CSRNP1: variants seen among roughly 807,000 people sequenced by gnomAD.
CSRNP1 encodes cysteine and serine rich nuclear protein 1.
Under a neutral mutation model 25.0 loss-of-function variants are expected in CSRNP1, and 8 were observed. That is an observed-to-expected ratio of 0.32 (90% CI 0.19 to 0.58). CSRNP1 has a LOEUF of 0.58. CSRNP1 is among the 20% of genes least tolerant of loss of function. The pLI, the probability that CSRNP1 is intolerant of heterozygous loss-of-function variation, is 0.88. For synonymous variants in CSRNP1, 305 were observed against 303.1 expected (o/e 1.01, Z -0.06); for missense variants, 691 against 773.1 (o/e 0.89, Z 1.26).
intron 1 of CSRNP1, chr3:39,151,367 T>C (rs2039579375): frequency 6.5e-6 from 1 of 152,710 alleles, no homozygotes; most frequent in Admixed American, 6.5e-5. Flanking sequence ...TGGCCACAGT[T>C]ATCCACACGC....
rs202204996 is a variant in CSRNP1, at chr3:39,143,080, G to T, written c.1745C>A (p.Ser582Tyr). ...DSQFEDTVPA[S>Y]LMEPVPV ...TCACACCGGCACAGGCTCCATTAGA[G>T]ATGCTGGGACAGTGTCCTCAAACTG... is the stretch of plus-strand genomic sequence containing the variant. Residue 582 changes from serine to tyrosine, a missense_variant, in exon 5 of 5, where the codon TCT becomes TAT. Coordinates refer to ENST00000273153, the MANE Select transcript of CSRNP1 (RefSeq NM_033027.4). 2.0e-5 allele frequency: 32 copies of T among 1,595,428 alleles called. No homozygotes were observed. In the Admixed American group the frequency reaches 4.3e-4, roughly 21 times the overall value.
rs1397428933 is a variant in CSRNP1 at position 39,142,742 on chromosome 3, T to C, written c.*313A>G. 7.6e-6 allele frequency: 2 copies of C among 261,620 alleles called. No homozygotes were observed. The highest frequency in any genetic ancestry group is 1.5e-5 in the Non-Finnish European group (2 of 136,670). 16.2% of individuals were successfully genotyped at this position (261,620 alleles called of 1,614,324 possible). ...GGAACATCACGCAAAGACCGAAAAG[T>C]GGTCTGCCAAGCTCCAGAGGAGCCA... On this transcript the variant is annotated 3_prime_UTR_variant, in exon 5 of 5. Transcript: ENST00000273153.
chr3:39,153,039 A>G (rs2039606843), intron 1 of CSRNP1: 1 of 151,796 alleles, frequency 6.6e-6, no homozygotes, highest in Non-Finnish European at 1.5e-5. Flanking sequence ...AAGGCGACAA[A>G]TGTCACCTGC....
At chr3:39,153,645 G>C (rs2039616905), upstream of CSRNP1, 1 of 151,720 alleles carries the variant, frequency 6.6e-6, no homozygotes, top group Non-Finnish European at 1.5e-5. Context: ...GGAAAACTCC[G>C]GGGCTCACTG....
intron 1 of CSRNP1, among the ~76,000 whole-genome samples, chr3:39,147,373 C>T (rs2125887260): frequency 6.6e-6 from 1 of 152,304 alleles, no homozygotes; most frequent in South Asian, 2.1e-4. Flanking sequence ...CGGGCCCTTG[C>T]TCCAGGCTAG....
intron 3 of CSRNP1, 93 bp downstream of exon 3, chr3:39,144,904 C>G: frequency 7.1e-7 from 1 of 1,409,994 alleles, no homozygotes; most frequent in Non-Finnish European, 9.5e-7. Flanking sequence ...CCATAATGAG[C>G]AAGTCAGCAC....
rs888349231 is a variant in CSRNP1, at chr3:39,146,391, G to A, written c.205+87C>T. On this transcript the variant is annotated intron_variant, in intron 2 of 4. Transcript: ENST00000273153. Reference sequence around the variant, plus strand: ...CGCCATGGGGACCTAACCACCAGAGGCCAAAGGCATTTGGTCAGGGACTTC... The same window carrying A: ...CGCCATGGGGACCTAACCACCAGAGACCAAAGGCATTTGGTCAGGGACTTC... The A allele has an allele frequency of 5.5e-6, 8 of 1,442,044 alleles. No homozygotes were observed. In the African/African-American group the frequency reaches 1.0e-4, roughly 18 times the overall value. The allele number at this position is 1,442,044 out of a possible 1,614,324, so 89.3% of individuals were successfully genotyped here.
chr3:39,145,138 G>C lies in CSRNP1; in HGVS notation c.324C>G (p.Gly108=). The change falls in exon 3 of 5, where the codon GGC becomes GGG. Residue 108 remains glycine (G), a synonymous_variant. Coordinates refer to ENST00000273153, the MANE Select transcript of CSRNP1 (RefSeq NM_033027.4). ...QGFTSVPSRG[G]CTLGMALRHS... Reference sequence around the variant, plus strand: ...GGCGAAGGGCCATACCCAGAGTACAGCCACCACGGCTGGGCACACTGGTGA... The same window carrying C: ...GGCGAAGGGCCATACCCAGAGTACACCCACCACGGCTGGGCACACTGGTGA... 6.2e-7 allele frequency: 1 copy of C among 1,614,286 alleles called. No individual in the cohort carries two copies.
rs571580621 is a variant in CSRNP1, at chr3:39,142,493, G to A, written c.*562C>T. On this transcript the variant is annotated 3_prime_UTR_variant, in exon 5 of 5. Coordinates refer to ENST00000273153, the MANE Select transcript of CSRNP1 (RefSeq NM_033027.4). ...CACCAAAGCCCAGGCAGGGCAAGGT[G>A]TAGGACTACAAGGCAAAAGGGGCTC... The A allele has an allele frequency of 1.3e-5, 2 of 153,230 alleles. No homozygotes were observed. Among genetic ancestry groups the A allele is most frequent in the South Asian group, 2.1e-4 (1 of 4,852 alleles). 9.5% of individuals were successfully genotyped at this position (153,230 alleles called of 1,614,324 possible). A position where few individuals can be genotyped will look rare whatever the true frequency, so the allele number is the denominator to read the frequency against.
intron 2 of CSRNP1, 41 bp from the exon 3 acceptor site, chr3:39,145,297 T>C (rs763405773): frequency 6.5e-7 from 1 of 1,527,870 alleles, no homozygotes; most frequent in South Asian, 1.3e-5. Flanking sequence ...TAGTTTTCAG[T>C]GAGGCACAAC....
At chr3:39,146,836 T>G in intron 1 of CSRNP1, 114 bp from the exon 2 acceptor site, 1 of 1,402,026 alleles carries the variant, frequency 7.1e-7, no homozygotes, top group Non-Finnish European at 9.5e-7. Flanking sequence ...CCCTGGCCTC[T>G]GCCCTCCAGC....
chr3:39,144,412 G>A lies in CSRNP1; in HGVS notation c.505C>T (p.Pro169Ser), dbSNP rs753878701. 9.3e-6 allele frequency: 15 copies of A among 1,610,914 alleles called. No individual in the cohort carries two copies. The highest frequency in any genetic ancestry group is 1.3e-5 in the African/African-American group (1 of 75,016). The change falls in exon 4 of 5, where the codon CCA becomes TCA. Residue 169 changes from proline (P) to serine (S), a missense_variant. Transcript: ENST00000273153. Reference sequence around the variant, plus strand: ...TCATCAATGGCATCCACCACAGGTGGCAGCCCTGCCTCTGCCTGGGGTACC... The same window carrying A: ...TCATCAATGGCATCCACCACAGGTGACAGCCCTGCCTCTGCCTGGGGTACC... Reference protein sequence around the residue: ...AGVPQAEAGLPPVVDAIDDAS... With the variant: ...AGVPQAEAGLSPVVDAIDDAS...
At position 39,143,773 on chromosome 3, in the gene CSRNP1, T is replaced by A. The variant is rs1483448555; in HGVS notation, c.1052A>T (p.Asp351Val). 1 of 1,614,114 alleles carries A rather than the reference T, an allele frequency of 6.2e-7. No individual in the cohort carries two copies. The highest frequency in any genetic ancestry group is 1.1e-5 in the South Asian group (1 of 91,084). Residue 351 changes from aspartate (D) to valine (V), a missense_variant, in exon 5 of 5, where the codon GAC becomes GTC. Coordinates refer to ENST00000273153, the MANE Select transcript of CSRNP1 (RefSeq NM_033027.4). ...NELGDNSCSS[D>V]MTDSSTASSS... ...AGATGCTGTAGAAGAATCAGTCATG[T>A]CGCTGCTGCAGCTGTTGTCTCCCAG... is the stretch of plus-strand genomic sequence containing the variant.
intron 1 of CSRNP1, among the ~76,000 whole-genome samples, chr3:39,147,597 T>G (rs2039533241): frequency 6.6e-6 from 1 of 151,930 alleles, no homozygotes; most frequent in Non-Finnish European, 1.5e-5. Context: ...ATGTCCAAAG[T>G]CTCTCCTGTC....
chr3:39,147,969 A>T (rs2039539927), intron 1 of CSRNP1, among the ~76,000 whole-genome samples: 1 of 152,008 alleles, frequency 6.6e-6, no homozygotes, highest in Non-Finnish European at 1.5e-5. Context: ...AACAGGAAAA[A>T]CCAACCAGAA....
At position 39,153,469 on chromosome 3, in the gene CSRNP1, C is replaced by T. The variant is rs2039612677; in HGVS notation, c.-72G>A. ...TCCGGACGCTCGCGGAGGACAACGA[C>T]GCGACCCGCGTCCCGGCCGGGGACG... On this transcript the variant is annotated 5_prime_UTR_variant, in exon 1 of 5. Transcript: ENST00000273153. The T allele has an allele frequency of 9.3e-6, 3 of 323,064 alleles. No individual in the cohort carries two copies. Among genetic ancestry groups the T allele is most frequent in the South Asian group, 6.1e-5 (3 of 49,520 alleles). The allele number at this position is 323,064 out of a possible 1,614,324, so 20.0% of individuals were successfully genotyped here.
Position 39,145,229 on chromosome 3 carries a change from C to T in CSRNP1, c.233G>A (p.Arg78Gln), listed in dbSNP as rs766961372. 4.4e-6 allele frequency: 7 copies of T among 1,606,778 alleles called. No homozygotes were observed. In the African/African-American group the frequency reaches 9.4e-5, roughly 21 times the overall value. The change falls in exon 3 of 5, where the codon CGG becomes CAG. Residue 78 changes from arginine to glutamine, a missense_variant. Arg to Gln is a conservative substitution (Grantham distance 43). Coordinates refer to ENST00000273153, the MANE Select transcript of CSRNP1 (RefSeq NM_033027.4). ...AAAGGCTACACGGCCTGGGCGCTCC[C>T]GGCGAGCCCGCTTCAGGATAGACAG... ...TPLSILKRAR[R>Q]ERPGRVAFDG... is the part of the protein sequence containing the mutation.
Position 39,142,550 on chromosome 3 carries a change from T to G in CSRNP1, c.*505A>C, listed in dbSNP as rs960420562. The stretch of plus-strand genomic sequence containing the variant: ...GCCTGTGCCCACCCCACCCCTGGCA[T>G]TACCCACCAGCCAAAGAAGTGCAAC... On this transcript the variant is annotated 3_prime_UTR_variant, in exon 5 of 5. Transcript: ENST00000273153. 1 of 153,256 alleles carries G rather than the reference T, an allele frequency of 6.5e-6. No individual in the cohort carries two copies. The highest frequency in any genetic ancestry group is 1.5e-5 in the Non-Finnish European group (1 of 68,560). 9.5% of individuals were successfully genotyped at this position (153,256 alleles called of 1,614,324 possible).
chr3:39,150,635 C>T (rs1279384014), intron 1 of CSRNP1: 2 of 152,466 alleles, frequency 1.3e-5, no homozygotes, highest in Non-Finnish European at 2.9e-5. Flanking sequence ...AGGCAGGTGC[C>T]AATGTAGGCA....
Sources: gnomAD v4.1 joint callset for allele counts (sites outside exome capture counted in the v4.1 genomes callset) on GRCh38, gnomAD v4.1.1 for gene constraint, MANE v1.5 for transcripts, NCBI Gene and HGNC (gene_info 2026-07-23, HGNC 2026-07-21) for gene names.